GGT1: variants seen among roughly 807,000 people sequenced by gnomAD.
The protein encoded by GGT1 is gamma-glutamyltransferase 1.
Under a neutral mutation model 56.0 loss-of-function variants are expected in GGT1, and 21 were observed. The observed-to-expected ratio is 0.38, with a 90% confidence interval of 0.27 to 0.54. The LOEUF (loss-of-function observed/expected upper bound fraction) is 0.54. Ranked by LOEUF, GGT1 falls within the 20% of genes least tolerant of loss-of-function variation. GGT1 has a pLI of 0.82. For missense variants in GGT1, 466 were observed against 787.0 expected, an observed-to-expected ratio of 0.59 and a Z score of 4.88; for synonymous variants, 238 against 342.6, an observed-to-expected ratio of 0.69 and a Z score of 3.37.
In GGT1 at chr22:24,620,883, G is replaced by A. The variant is rs201601303; in HGVS notation, c.576-30G>A. On this transcript the variant is annotated intron_variant, in intron 8 of 15. Coordinates refer to ENST00000400382, the MANE Select transcript of GGT1 (RefSeq NM_001288833.2). This position sits in a 1 kb window ranked among gnomAD's most constrained non-coding sequence, Gnocchi z 5.6. Reference sequence around the variant, plus strand: ...TGGTCTAGCTGAGTCCACCCCACCTGCTGCCTCACATGAGCCCCCTCTGCC... The same window carrying A: ...TGGTCTAGCTGAGTCCACCCCACCTACTGCCTCACATGAGCCCCCTCTGCC... The A allele has an allele frequency of 1.2e-3, 1,916 of 1,610,318 alleles. 39 individuals carry two copies. The South Asian group carries it at 0.02, about 16-fold the overall frequency.
chr22:24,590,063 A>G (rs1014390934), upstream of GGT1: 5 of 1,255,086 alleles, frequency 4.0e-6, no homozygotes, highest in Non-Finnish European at 5.3e-6. Flanking sequence ...TCTCCTCCCT[A>G]AGGCTGGCTG....
chr22:24,591,713 G>C (rs559114301), upstream of GGT1, among the ~76,000 whole-genome samples: 4 of 152,368 alleles, frequency 2.6e-5, no homozygotes, highest in South Asian at 8.3e-4. Flanking sequence ...ACTGAGATCT[G>C]TGCCTCTGGT....
the GGT1 span, chr22:24,588,389 T>G: frequency 7.6e-7 from 1 of 1,323,124 alleles, no homozygotes. Flanking sequence ...CTCAGGGCCT[T>G]GGGGAGAGGG....
intron 1 of GGT1, among the ~76,000 whole-genome samples, chr22:24,603,944 T>C (rs921724043): frequency 1.3e-5 from 2 of 151,336 alleles, no homozygotes; most frequent in African/African-American, 2.5e-5. Flanking sequence ...CTCAGCTATA[T>C]ATATAGGGAT....
At chr22:24,592,233 C>G (rs1460436142), upstream of GGT1, 2 of 456,040 alleles carry the variant, frequency 4.4e-6, no homozygotes, top group Non-Finnish European at 8.9e-6. Flanking sequence ...TGTGTAGGAG[C>G]AGAGCCACCA....
the GGT1 span, among the ~76,000 whole-genome samples, chr22:24,587,229 G>A: frequency 6.6e-6 from 1 of 152,206 alleles, no homozygotes; most frequent in South Asian, 2.1e-4. Context: ...AGAGGGACAG[G>A]CCCACAGTAG....
intron 1 of GGT1, among the ~76,000 whole-genome samples, chr22:24,605,403 A>G (rs1425937474): frequency 1.2e-5 from 1 of 83,776 alleles, no homozygotes; most frequent in African/African-American, 5.2e-5. Context: ...TATATATTAT[A>G]TAATATTATA....
chr22:24,584,832 T>TG, the GGT1 span, among the ~76,000 whole-genome samples: 1 of 151,926 alleles, frequency 6.6e-6, no homozygotes, highest in Non-Finnish European at 1.5e-5. Flanking sequence ...GCCTGTCTTC[T>TG]GGTTGGGCTG....
intron 1 of GGT1, among the ~76,000 whole-genome samples, chr22:24,605,547 TTATATATTATATAATATTATATAA>T (rs1373886600): frequency 1.3e-4 from 9 of 66,850 alleles, no homozygotes; most frequent in Admixed American, 3.0e-4. Flanking sequence ...ATAATGTGTA[TTATATATTATATAATATTATATAA>T]TGTGTATTAT....
intron 5 of GGT1, among the ~76,000 whole-genome samples, chr22:24,611,539 CTATCATCT>C (rs745394710): frequency 0.036 from 4,644 of 128,606 alleles, 81 homozygotes; most frequent in Middle Eastern, 0.064. Context: ...ATCTATCTAT[CTATCATCT>C]ATCTATCTAT....
chr22:24,600,057 A>G (rs1054088116), upstream of GGT1, among the ~76,000 whole-genome samples: 3 of 152,164 alleles, frequency 2.0e-5, no homozygotes, highest in East Asian at 1.9e-4. Flanking sequence ...GACACTGCAG[A>G]TAATTACCAG....
At chr22:24,603,899 G>A (rs1018806834) in intron 1 of GGT1, among the ~76,000 whole-genome samples, 9 of 151,850 alleles carry the variant, frequency 5.9e-5, no homozygotes, top group Non-Finnish European at 1.2e-4. Context: ...TTGTGCGAGG[G>A]GTCATTGCCC....
the GGT1 span, chr22:24,588,127 C>T: frequency 9.3e-7 from 1 of 1,074,048 alleles, no homozygotes; most frequent in Non-Finnish European, 1.4e-6. Flanking sequence ...GATTTCAGCA[C>T]CAGCCTCTTG....
chr22:24,628,615 G>A lies in GGT1; in HGVS notation c.1564-78G>A. On this transcript the variant is annotated intron_variant, in intron 15 of 15. Transcript: ENST00000400382. This position sits in a 1 kb window ranked among gnomAD's most constrained non-coding sequence, Gnocchi z 5.7. ...GGCCCGAAATGGCACCACCTGGGCTGAGGCCTGTGACCACACAGATGTGGT... is the reference window on the plus strand; with the variant it reads ...GGCCCGAAATGGCACCACCTGGGCTAAGGCCTGTGACCACACAGATGTGGT... 1 of 1,610,590 alleles carries A rather than the reference G, an allele frequency of 6.2e-7. No homozygotes were observed. The highest frequency in any genetic ancestry group is 8.5e-7 in the Non-Finnish European group (1 of 1,179,648).
intron 5 of GGT1, among the ~76,000 whole-genome samples, chr22:24,613,625 C>T (rs1312899326): frequency 2.0e-5 from 3 of 151,906 alleles, no homozygotes; most frequent in East Asian, 3.9e-4. Flanking sequence ...TGGTGTGCGC[C>T]TGTAATCCCA....
intron 1 of GGT1, among the ~76,000 whole-genome samples, chr22:24,606,484 C>G (rs976653467): frequency 1.3e-5 from 2 of 152,206 alleles, no homozygotes; most frequent in African/African-American, 4.8e-5. Context: ...TGGCTGACTG[C>G]CATGGAATGC....
chr22:24,597,546 T>C (rs915983994), intron 1 of GGT1, among the ~76,000 whole-genome samples: 3 of 152,124 alleles, frequency 2.0e-5, no homozygotes, highest in African/African-American at 4.8e-5. Flanking sequence ...CTGGGTATGG[T>C]GGCATGTGCC....
chr22:24,625,799 G>A (rs1348708940), intron 11 of GGT1, among the ~76,000 whole-genome samples: 1 of 151,234 alleles, frequency 6.6e-6, no homozygotes, highest in Non-Finnish European at 1.5e-5. Context: ...AAAGTGCTGG[G>A]ATTACAGGCA....
upstream of GGT1, chr22:24,590,075 A>G (rs1601594270): frequency 1.7e-6 from 2 of 1,180,624 alleles, no homozygotes; most frequent in Non-Finnish European, 2.3e-6. Flanking sequence ...GGCTGGCTGG[A>G]TTCTCCCCAC....
Sources: gnomAD v4.1 joint callset for allele counts (sites outside exome capture counted in the v4.1 genomes callset) on GRCh38, gnomAD v4.1.1 for gene constraint, Gnocchi (gnomAD v3.1) non-coding constraint, MANE v1.5 for transcripts, NCBI Gene and HGNC (gene_info 2026-07-23, HGNC 2026-07-21) for gene names.